Variants in NBAS observed in about 807,000 individuals in gnomAD.
NBAS encodes the protein NAG/BC035112 fusion.
In NBAS, 219 loss-of-function variants were observed where a neutral mutation model predicts 302.5. That is an observed-to-expected ratio of 0.72 (90% CI 0.65 to 0.81). The LOEUF is 0.81. Ranked by LOEUF, NBAS falls within the 30% of genes least tolerant of loss-of-function variation. The pLI is 0.00. For missense variants in NBAS, 2,932 were observed against 2,841.6 expected, an observed-to-expected ratio of 1.03 and a Z score of -0.72; for synonymous variants, 1,118 against 1,021.6, an observed-to-expected ratio of 1.09 and a Z score of -1.80.
At chr2:15,095,493 A>G in the NBAS span, among the ~76,000 whole-genome samples, 8 of 152,224 alleles carry the variant, frequency 5.3e-5, no homozygotes, top group Non-Finnish European at 1.2e-4. Flanking sequence ...CCATGATTCA[A>G]TTATCTCCCA....
Position 15,467,339 on chromosome 2 carries a change from G to T in NBAS, c.2087C>A (p.Ala696Glu), listed in dbSNP as rs1414290500. The T allele has an allele frequency of 6.2e-7, 1 of 1,610,942 alleles. No individual in the cohort carries two copies. Among genetic ancestry groups the T allele is most frequent in the Admixed American group, 1.7e-5 (1 of 59,980 alleles). The change falls in exon 19 of 52, where the codon GCA (alanine) becomes GAA (glutamate). Residue 696 changes from alanine to glutamate, a missense_variant. Transcript: ENST00000281513. ...RKLLTYLDRL[A>E]TYEEILGVPH... ...AAAATTATTCATTACCTCATATGTTGCAAGTCGATCTAAGTAGGTTAATAA... is the reference window on the plus strand; with the variant it reads ...AAAATTATTCATTACCTCATATGTTTCAAGTCGATCTAAGTAGGTTAATAA...
At chr2:15,545,281 C>T (rs930002912) in intron 6 of NBAS, among the ~76,000 whole-genome samples, 12 of 151,942 alleles carry the variant, frequency 7.9e-5, no homozygotes, top group African/African-American at 2.7e-4. Context: ...CCATCTATAA[C>T]AATGAGAGCA....
chr2:14,942,842 AT>A, the NBAS span, among the ~76,000 whole-genome samples: 30 of 152,196 alleles, frequency 2.0e-4, no homozygotes, highest in South Asian at 8.3e-4. Flanking sequence ...ACTTTCACCT[AT>A]GCTTAAAGTA....
At chr2:15,215,063 T>C (rs939829495) in intron 48 of NBAS, among the ~76,000 whole-genome samples, 2 of 152,182 alleles carry the variant, frequency 1.3e-5, no homozygotes, top group South Asian at 4.1e-4. Context: ...ATGCACCAGT[T>C]AGCTAGAAAA....
chr2:15,507,693 T>C (rs918743882), intron 10 of NBAS, among the ~76,000 whole-genome samples: 2 of 152,252 alleles, frequency 1.3e-5, no homozygotes, highest in East Asian at 3.8e-4. Context: ...GTACCTGTTA[T>C]AGCTCATTGC....
At chr2:15,062,459 T>G in the NBAS span, among the ~76,000 whole-genome samples, 1 of 152,184 alleles carries the variant, frequency 6.6e-6, no homozygotes, top group Non-Finnish European at 1.5e-5. Flanking sequence ...TTATGTGCAA[T>G]TATCCCCCAG....
intron 31 of NBAS, among the ~76,000 whole-genome samples, chr2:15,369,828 CACAT>C (rs1373319057): frequency 1.3e-5 from 2 of 152,148 alleles, no homozygotes; most frequent in African/African-American, 4.8e-5. Flanking sequence ...CACACACACA[CACAT>C]ACACGTGCAT....
intron 26 of NBAS, 22 bp downstream of exon 26, chr2:15,402,146 C>A (rs1676185085): frequency 6.2e-7 from 1 of 1,612,874 alleles, no homozygotes; most frequent in Non-Finnish European, 8.5e-7. Flanking sequence ...CACAATAAGA[C>A]TGGCATACTG....
At chr2:14,899,039 C>A in the NBAS span, among the ~76,000 whole-genome samples, 20 of 152,230 alleles carry the variant, frequency 1.3e-4, no homozygotes, top group African/African-American at 4.8e-4. Flanking sequence ...ACTAGGGTGG[C>A]CAGGCATTTC....
Position 15,308,316 on chromosome 2 carries a change from G to C in NBAS, c.4697C>G (p.Pro1566Arg), listed in dbSNP as rs1178997728. 7 of 1,614,006 alleles carry C rather than the reference G, an allele frequency of 4.3e-6. No individual in the cohort carries two copies. Among genetic ancestry groups the C allele is most frequent in the Non-Finnish European group, 5.9e-6 (7 of 1,180,018 alleles). ...TGCCAGCTGGAGAGATAATGCAGAG[G>C]GGGACTGCTTTTCAAAGCACCGGTT... is the stretch of plus-strand genomic sequence containing the variant. The part of the protein sequence containing the change: ...DANRCFEKQS[P>R]SALSLQLAAY... Residue 1566 changes from proline to arginine, a missense_variant, in exon 40 of 52, where the codon CCC (proline) becomes CGC (arginine). Transcript: ENST00000281513.
At chr2:15,120,075 G>C in the NBAS span, among the ~76,000 whole-genome samples, 17 of 152,122 alleles carry the variant, frequency 1.1e-4, no homozygotes, top group Non-Finnish European at 2.5e-4. Context: ...CAAATGTGAG[G>C]CCCCTGGCAG....
intron 44 of NBAS, among the ~76,000 whole-genome samples, chr2:15,245,539 T>C (rs2147967089): frequency 6.6e-6 from 1 of 152,272 alleles, no homozygotes; most frequent in South Asian, 2.1e-4. Context: ...GCTTATTGTT[T>C]GTCACTGCTA....
At chr2:15,062,658 T>C in the NBAS span, among the ~76,000 whole-genome samples, 1 of 152,186 alleles carries the variant, frequency 6.6e-6, no homozygotes, top group African/African-American at 2.4e-5. Context: ...CAAACTTTTT[T>C]AGGATTTAGA....
rs146349708 is a variant in NBAS at position 15,374,211 on chromosome 2, C to T, written c.3703+397G>A. On this transcript the variant is annotated intron_variant, in intron 31 of 51. Coordinates refer to ENST00000281513, the MANE Select transcript of NBAS (RefSeq NM_015909.4). ...TGAGTCAAGCATAAAAAGAAAAAAA[C>T]TATTTTTATTTATAGCTAGTTATTA... Among the ~76,000 whole-genome samples the T allele has an allele frequency of 2.9e-3, 446 of 152,058 alleles. 1 individual carries two copies. The highest frequency in any genetic ancestry group is 0.01 in the African/African-American group (417 of 41,500).
intron 1 of NBAS, among the ~76,000 whole-genome samples, chr2:15,559,863 A>G (rs1558439399): frequency 6.6e-6 from 1 of 152,228 alleles, no homozygotes; most frequent in Non-Finnish European, 1.5e-5. Context: ...AAGGAGTGGA[A>G]ACTTATCTAA....
chr2:15,029,398 A>G, the NBAS span, among the ~76,000 whole-genome samples: 1 of 152,186 alleles, frequency 6.6e-6, no homozygotes, highest in Non-Finnish European at 1.5e-5. Flanking sequence ...AGGCTGGTTC[A>G]CCACTGTTAC....
the NBAS span, among the ~76,000 whole-genome samples, chr2:14,871,081 T>C: frequency 2.0e-5 from 3 of 150,396 alleles, no homozygotes; most frequent in Admixed American, 6.6e-5. Context: ...AAAGGCACAG[T>C]AATACTACAC....
At chr2:15,060,873 C>T in the NBAS span, among the ~76,000 whole-genome samples, 1 of 152,080 alleles carries the variant, frequency 6.6e-6, no homozygotes, top group Non-Finnish European at 1.5e-5. Context: ...CTCACTGCCC[C>T]GACTTCCCAG....
the NBAS span, among the ~76,000 whole-genome samples, chr2:14,893,333 T>C: frequency 1.3e-5 from 2 of 152,200 alleles, no homozygotes; most frequent in African/African-American, 2.4e-5. Context: ...TTTCTGCTTA[T>C]TGTTTTGCTT....
Sources: allele counts gnomAD v4.1 joint callset (sites outside exome capture counted in the v4.1 genomes callset), GRCh38; gene constraint gnomAD v4.1.1; transcripts MANE v1.5; gene names NCBI Gene and HGNC (gene_info 2026-07-23, HGNC 2026-07-21).